Variants in GARS1 observed in about 807,000 individuals in gnomAD.
The protein encoded by GARS1 is glycyl-tRNA synthetase 1, also known as glycine--tRNA ligase.
A neutral mutation model predicts 86.4 loss-of-function variants in GARS1; 46 were observed. That is an observed-to-expected ratio of 0.53 (90% CI 0.42 to 0.68). The LOEUF (loss-of-function observed/expected upper bound fraction) is 0.68. Ranked by LOEUF, GARS1 falls within the 30% of genes least tolerant of loss-of-function variation. The probability of loss-of-function intolerance (pLI) is 0.00; values close to 1 mark genes in which losing one functional copy is unlikely to be tolerated. For missense variants in GARS1, 797 were observed against 915.6 expected, an observed-to-expected ratio of 0.87 and a Z score of 1.67; for synonymous variants, 342 against 329.8, an observed-to-expected ratio of 1.04 and a Z score of -0.40.
At chr7:30,622,818 A>T (rs1244865708) in intron 12 of GARS1, 1 of 309,164 alleles carries the variant, frequency 3.2e-6, no homozygotes, top group Non-Finnish European at 6.3e-6. Context: ...ACAATAGAGA[A>T]GGCCGGGCAC....
At chr7:30,595,288 C>T in intron 1 of GARS1, 145 bp downstream of exon 1, 1 of 841,458 alleles carries the variant, frequency 1.2e-6, no homozygotes. Flanking sequence ...TTCTTCGCCT[C>T]CCCCACTTTG....
intron 10 of GARS1, among the ~76,000 whole-genome samples, chr7:30,618,863 CAT>C (rs747821903): frequency 1.4e-4 from 21 of 152,200 alleles, no homozygotes; most frequent in Non-Finnish European, 5.9e-5. Flanking sequence ...GCTTGCTTGA[CAT>C]ATGTCAAAAT....
chr7:30,601,755 C>T (rs1159517242), intron 4 of GARS1, among the ~76,000 whole-genome samples: 7 of 152,130 alleles, frequency 4.6e-5, no homozygotes, highest in Non-Finnish European at 7.4e-5. Context: ...TTCCTACCAA[C>T]GTTATTGAAA....
chr7:30,608,880 A>G (rs543897749), intron 6 of GARS1, among the ~76,000 whole-genome samples: 2 of 152,252 alleles, frequency 1.3e-5, no homozygotes, highest in South Asian at 4.1e-4. Context: ...TTCAGTTATT[A>G]TGGCCATTAA....
At chr7:30,617,640 A>G (rs997068964) in intron 10 of GARS1, among the ~76,000 whole-genome samples, 2 of 152,190 alleles carry the variant, frequency 1.3e-5, no homozygotes, top group Non-Finnish European at 2.9e-5. Flanking sequence ...GAGAGGTTGA[A>G]TAAAGAAAGT....
chr7:30,594,915 C>T lies in GARS1; in HGVS notation c.-7C>T, dbSNP rs1288470070. On this transcript the variant is annotated 5_prime_UTR_variant, in exon 1 of 17. Transcript: ENST00000389266. Reference sequence around the variant, plus strand: ...ACCCTCTCTGGACAGCCCAGGGCCGCAGGCTCATGCCCTCTCCGCGTCCAG... The same window carrying T: ...ACCCTCTCTGGACAGCCCAGGGCCGTAGGCTCATGCCCTCTCCGCGTCCAG... The T allele has an allele frequency of 6.4e-7, 1 of 1,568,426 alleles. No homozygotes were observed. The highest frequency in any genetic ancestry group is 8.6e-7 in the Non-Finnish European group (1 of 1,164,284).
chr7:30,620,780 G>C (rs554442914), intron 10 of GARS1, among the ~76,000 whole-genome samples: 15 of 152,078 alleles, frequency 9.9e-5, no homozygotes, highest in South Asian at 2.1e-4. Flanking sequence ...CACATTTATG[G>C]CCAGCTGAAG....
Position 30,634,009 on chromosome 7 carries a change from T to G in GARS1, c.*149T>G. 1 of 958,340 alleles carries G rather than the reference T, an allele frequency of 1.0e-6. No homozygotes were observed. The highest frequency in any genetic ancestry group is 1.5e-5 in the South Asian group (1 of 64,994). 59.4% of individuals were successfully genotyped at this position (958,340 alleles called of 1,614,324 possible). On this transcript the variant is annotated 3_prime_UTR_variant, in exon 17 of 17. Coordinates refer to ENST00000389266, the MANE Select transcript of GARS1 (RefSeq NM_002047.4). ...GGCTGCCTGATTTTACCCCCACAAT[T>G]AAAGTTGAAGGAATCCTGAACAAAC...
chr7:30,627,480 T>A (rs1272631101), intron 13 of GARS1, among the ~76,000 whole-genome samples: 1 of 152,220 alleles, frequency 6.6e-6, no homozygotes, highest in Non-Finnish European at 1.5e-5. Flanking sequence ...GTACCAATGA[T>A]CTCATTTCCC....
chr7:30,603,610 G>A (rs1251626239), intron 6 of GARS1, 38 bp downstream of exon 6: 1 of 1,444,600 alleles, frequency 6.9e-7, no homozygotes, highest in East Asian at 2.3e-5. Context: ...TAACCTAGGT[G>A]GTCGCTGTCC....
rs147984213 is a variant in GARS1, at chr7:30,605,712, A to G, written c.735+2140A>G. 9.0e-3 allele frequency among the ~76,000 whole-genome samples: 1,376 copies of G among 152,278 alleles called. 11 individuals are homozygous for G. The highest frequency in any genetic ancestry group is 0.014 in the Non-Finnish European group (969 of 68,002). On this transcript the variant is annotated intron_variant, in intron 6 of 16. Coordinates refer to ENST00000389266, the MANE Select transcript of GARS1 (RefSeq NM_002047.4). ...TTTTTTGAAGCAGATCTCAAACATT[A>G]TTTTATTATACCTGTAAATTTTTCA...
chr7:30,606,120 A>G (rs1349412026), intron 6 of GARS1, among the ~76,000 whole-genome samples: 7 of 151,892 alleles, frequency 4.6e-5, no homozygotes, highest in Non-Finnish European at 8.8e-5. Context: ...CTTTTTCTCT[A>G]TTAGATTTAG....
intron 12 of GARS1, among the ~76,000 whole-genome samples, chr7:30,625,431 A>T (rs1275598955): frequency 6.6e-6 from 1 of 152,208 alleles, no homozygotes; most frequent in Non-Finnish European, 1.5e-5. Flanking sequence ...CACAGGTGGA[A>T]ACTAGCAAAA....
rs1225321771 is a variant in GARS1 at position 30,632,853 on chromosome 7, A to G, written c.2094+416A>G. ...CGTGTTCATATATTCAAAACAGTGAATCATGTTTCAGTAGTTTTGGTCAAT... is the reference window on the plus strand; with the variant it reads ...CGTGTTCATATATTCAAAACAGTGAGTCATGTTTCAGTAGTTTTGGTCAAT... On this transcript the variant is annotated intron_variant, in intron 16 of 16. Coordinates refer to ENST00000389266, the MANE Select transcript of GARS1 (RefSeq NM_002047.4). This position sits in a 1 kb window ranked among gnomAD's most constrained non-coding sequence, Gnocchi z 4.1. Among the ~76,000 whole-genome samples, 1 of 152,232 alleles carries G rather than the reference A, an allele frequency of 6.6e-6. No individual in the cohort carries two copies. Among genetic ancestry groups the G allele is most frequent in the East Asian group, 1.9e-4 (1 of 5,198 alleles).
At chr7:30,615,845 T>C in intron 8 of GARS1, 51 bp from the exon 9 acceptor site, 2 of 1,600,054 alleles carry the variant, frequency 1.2e-6, no homozygotes, top group Non-Finnish European at 1.7e-6. Flanking sequence ...TTTGTTTGTT[T>C]GTTTTTTGTA....
rs774076531 is a variant in GARS1, at chr7:30,609,653, T to G, written c.804T>G (p.Thr268=). Residue 268 remains threonine (T), a synonymous_variant, in exon 7 of 17, where the codon ACT becomes ACG. Transcript: ENST00000389266. ...ACTATAATGTAAAATCTCCCATTAC[T>G]GGAAATGATCTATCCCCTCCAGTGT... is the stretch of plus-strand genomic sequence containing the variant. The part of the protein sequence containing the change: ...FVNYNVKSPI[T]GNDLSPPVSF... 1 of 1,613,342 alleles carries G rather than the reference T, an allele frequency of 6.2e-7. No homozygotes were observed. Among genetic ancestry groups the G allele is most frequent in the South Asian group, 1.1e-5 (1 of 91,066 alleles).
chr7:30,615,774 A>G, intron 8 of GARS1, 122 bp from the exon 9 acceptor site: 1 of 1,089,374 alleles, frequency 9.2e-7, no homozygotes, highest in Admixed American at 3.0e-5. Context: ...TTTAGTGAAA[A>G]AGACCACTAT....
At chr7:30,612,988 G>T (rs965270662) in intron 8 of GARS1, among the ~76,000 whole-genome samples, 1 of 152,102 alleles carries the variant, frequency 6.6e-6, no homozygotes. Context: ...AAAATACGAG[G>T]TGTAGCTAAA....
At chr7:30,628,779 ATAATC>A in intron 14 of GARS1, 110 bp downstream of exon 14, 1 of 686,454 alleles carries the variant, frequency 1.5e-6, no homozygotes, top group Non-Finnish European at 2.7e-6. Flanking sequence ...AGTTATTACT[ATAATC>A]TAGTGCTATT....
Sources: gnomAD v4.1 joint callset for allele counts (sites outside exome capture counted in the v4.1 genomes callset) on GRCh38, gnomAD v4.1.1 for gene constraint, Gnocchi (gnomAD v3.1) non-coding constraint, MANE v1.5 for transcripts, NCBI Gene and HGNC (gene_info 2026-07-23, HGNC 2026-07-21) for gene names.